The following HDAC9 variants were observed in gnomAD, a reference collection of about 807,000 sequenced individuals.
The protein encoded by HDAC9 is histone deacetylase 9.
A neutral mutation model predicts 139.4 loss-of-function variants in HDAC9; 41 were observed. That is an observed-to-expected ratio of 0.29 (90% confidence interval 0.23 to 0.38). The LOEUF (loss-of-function observed/expected upper bound fraction) is 0.38. Among genes scored for constraint, HDAC9 ranks in the 10% least tolerant of loss-of-function variants. The pLI is 1.00. For missense variants in HDAC9, 1,147 were observed against 1,297.0 expected, an observed-to-expected ratio of 0.88 and a Z score of 1.78; for synonymous variants, 517 against 476.2, an observed-to-expected ratio of 1.09 and a Z score of -1.12.
At chr7:18,891,109 T>C (rs966214700) in intron 22 of HDAC9, among the ~76,000 whole-genome samples, 1 of 152,218 alleles carries the variant, frequency 6.6e-6, no homozygotes, top group African/African-American at 2.4e-5. Context: ...GTTTGCACTT[T>C]TCTGGATCTA....
intron 1 of HDAC9, among the ~76,000 whole-genome samples, chr7:18,365,588 G>A (rs1411056852): frequency 1.3e-5 from 2 of 151,522 alleles, no homozygotes; most frequent in Admixed American, 6.6e-5. Flanking sequence ...AGGGACTAAC[G>A]AGCAGTAATA....
chr7:18,865,438 G>A (rs1280585600), intron 21 of HDAC9, among the ~76,000 whole-genome samples: 1 of 152,188 alleles, frequency 6.6e-6, no homozygotes, highest in Non-Finnish European at 1.5e-5. Flanking sequence ...TGAAGAGTTG[G>A]AGGGTGAATG....
At chr7:18,858,501 C>T (rs1474554774) in intron 21 of HDAC9, among the ~76,000 whole-genome samples, 1 of 152,168 alleles carries the variant, frequency 6.6e-6, no homozygotes, top group Non-Finnish European at 1.5e-5. Context: ...CAATTATCTC[C>T]ACCTAGTCCC....
chr7:18,162,559 A>T lies in HDAC9; in HGVS notation c.25+210A>T, dbSNP rs1787706655. 6.9e-6 allele frequency: 4 copies of T among 577,500 alleles called. No homozygotes were observed. In the Admixed American group the frequency reaches 1.2e-4, roughly 18 times the overall value. The allele number at this position is 577,500 out of a possible 1,614,324, so 35.8% of individuals were successfully genotyped here. ...TTCCTGGACAACTGATTTGATTTGC[A>T]TTGTAGTCTGAGCATGGGACTTTAA... On this transcript the variant is annotated intron_variant, in intron 2 of 12. Transcript: ENST00000417496.
intron 1 of HDAC9, among the ~76,000 whole-genome samples, chr7:18,382,699 A>G (rs769083826): frequency 6.6e-6 from 1 of 152,266 alleles, no homozygotes; most frequent in Admixed American, 6.5e-5. Flanking sequence ...CAGAAAAATT[A>G]TTAGAAATGA....
At chr7:18,756,008 C>T (rs1174387489) in intron 14 of HDAC9, among the ~76,000 whole-genome samples, 2 of 152,076 alleles carry the variant, frequency 1.3e-5, no homozygotes, top group Non-Finnish European at 2.9e-5. Flanking sequence ...GTATGGACAG[C>T]TCCCTCTAAC....
chr7:18,116,073 C>T (rs1783960574), intron 1 of HDAC9, among the ~76,000 whole-genome samples: 1 of 152,160 alleles, frequency 6.6e-6, no homozygotes, highest in Non-Finnish European at 1.5e-5. Flanking sequence ...TCATGTTTCT[C>T]AATGGTTTCA....
intron 22 of HDAC9, among the ~76,000 whole-genome samples, chr7:18,886,370 T>C (rs1296842239): frequency 6.6e-6 from 1 of 152,208 alleles, no homozygotes; most frequent in African/African-American, 2.4e-5. Context: ...ACATTGCTTA[T>C]GAAAAGAAAA....
chr7:18,562,814 A>C lies in HDAC9; in HGVS notation c.23-22467A>C, dbSNP rs559965966. On this transcript the variant is annotated intron_variant, in intron 2 of 25. Coordinates refer to ENST00000686413, the MANE Select transcript of HDAC9 (RefSeq NM_178425.4). ...AAGATGGAATTTTGGTAGGGATTTC[A>C]TGGAATTTGTGGATGAATTTGGGTC... Among the ~76,000 whole-genome samples the C allele has an allele frequency of 3.3e-5, 5 of 152,234 alleles. No individual in the cohort carries two copies. The East Asian group carries it at 9.6e-4, about 29-fold the overall frequency.
At chr7:18,477,399 GTGCGTGCA>G (rs1795195377) in intron 1 of HDAC9, among the ~76,000 whole-genome samples, 1 of 151,982 alleles carries the variant, frequency 6.6e-6, no homozygotes, top group Admixed American at 6.6e-5. Flanking sequence ...GTGTGCGTGC[GTGCGTGCA>G]TGCGTGTGTG....
At chr7:18,787,148 G>T (rs1791894128) in intron 16 of HDAC9, among the ~76,000 whole-genome samples, 2 of 152,128 alleles carry the variant, frequency 1.3e-5, no homozygotes, top group Non-Finnish European at 2.9e-5. Context: ...GACTCTGGGA[G>T]TGTGGGTTGG....
intron 2 of HDAC9, among the ~76,000 whole-genome samples, chr7:18,180,916 T>A (rs997086975): frequency 6.6e-6 from 1 of 152,226 alleles, no homozygotes; most frequent in African/African-American, 2.4e-5. Context: ...TGGTGGCTGC[T>A]GGCATTCTTT....
chr7:18,644,896 C>T (rs1786885949), intron 9 of HDAC9, 103 bp downstream of exon 9: 3 of 1,148,300 alleles, frequency 2.6e-6, no homozygotes, highest in Non-Finnish European at 3.6e-6. Context: ...AAAAACTTGA[C>T]AGAGCCAGCA....
chr7:18,855,392 C>G (rs567539506), intron 21 of HDAC9, among the ~76,000 whole-genome samples: 65 of 152,036 alleles, frequency 4.3e-4, no homozygotes, highest in Non-Finnish European at 8.5e-4. Flanking sequence ...AAAATAGTTG[C>G]AATTGTTATT....
chr7:18,538,285 T>A (rs1811544361), intron 2 of HDAC9, among the ~76,000 whole-genome samples: 1 of 152,160 alleles, frequency 6.6e-6, no homozygotes, highest in African/African-American at 2.4e-5. Context: ...ATCAGTTTGC[T>A]AATTATCACA....
chr7:18,553,711 T>G lies in HDAC9; in HGVS notation c.23-31570T>G, dbSNP rs562251866. On this transcript the variant is annotated intron_variant, in intron 2 of 25. Transcript: ENST00000686413. ...GGCAAATAATAGAGGGAATTAAAGCTGATTTGTTTTCTTTGCCAATTGAAA... is the reference window on the plus strand; with the variant it reads ...GGCAAATAATAGAGGGAATTAAAGCGGATTTGTTTTCTTTGCCAATTGAAA... 4.3e-4 allele frequency among the ~76,000 whole-genome samples: 65 copies of G among 152,348 alleles called. No homozygotes were observed. The South Asian group carries it at 0.013, about 31-fold the overall frequency.
intron 2 of HDAC9, among the ~76,000 whole-genome samples, chr7:18,235,649 A>G (rs1430543673): frequency 2.0e-5 from 3 of 152,190 alleles, no homozygotes; most frequent in Non-Finnish European, 4.4e-5. Context: ...ATCCTTAACT[A>G]TTTTCAAAGC....
chr7:18,677,454 A>G (rs550722129), intron 12 of HDAC9, among the ~76,000 whole-genome samples: 1 of 152,044 alleles, frequency 6.6e-6, no homozygotes, highest in African/African-American at 2.4e-5. Flanking sequence ...AATATCTTAA[A>G]CAAGTTTCTG....
intron 1 of HDAC9, among the ~76,000 whole-genome samples, chr7:18,096,631 C>T (rs1216990022): frequency 6.6e-6 from 1 of 152,148 alleles, no homozygotes; most frequent in East Asian, 1.9e-4. Flanking sequence ...ATTGTAAGCT[C>T]CTTGAGGTGA....
Sources: allele counts gnomAD v4.1 joint callset (sites outside exome capture counted in the v4.1 genomes callset), GRCh38; gene constraint gnomAD v4.1.1; transcripts MANE v1.5; gene names NCBI Gene and HGNC (gene_info 2026-07-23, HGNC 2026-07-21).